Variants in ZPBP observed in about 807,000 individuals in gnomAD.
ZPBP encodes the protein zona pellucida binding protein.
Under a neutral mutation model 44.8 loss-of-function variants are expected in ZPBP, and 26 were observed. The observed-to-expected ratio is 0.58, with a 90% CI of 0.43 to 0.81. ZPBP has a LOEUF of 0.81. ZPBP is among the 30% of genes least tolerant of loss of function. The pLI, the probability that ZPBP is intolerant of heterozygous loss-of-function variation, is 0.00. For missense variants in ZPBP, 409 were observed against 434.0 expected (o/e 0.94, Z 0.51); for synonymous variants, 174 against 153.2 (o/e 1.14, Z -1.00).
intron 2 of ZPBP, among the ~76,000 whole-genome samples, chr7:49,887,015 A>T (rs1016571991): frequency 1.3e-5 from 2 of 151,840 alleles, no homozygotes; most frequent in South Asian, 4.1e-4. Flanking sequence ...GGCAAATTTT[A>T]AGTACTTTTT....
At chr7:49,847,597 G>C (rs544676041), downstream of ZPBP, among the ~76,000 whole-genome samples, 23 of 152,196 alleles carry the variant, frequency 1.5e-4, no homozygotes, top group Admixed American at 1.1e-3. Context: ...CCCAAGAGAA[G>C]AGGGTGTTCT....
Position 50,089,719 on chromosome 7 carries a change from A to C in ZPBP, c.128-10T>G. The C allele has an allele frequency of 1.2e-6, 2 of 1,600,202 alleles. No individual in the cohort carries two copies. Among genetic ancestry groups the C allele is most frequent in the East Asian group, 4.5e-5 (2 of 44,700 alleles). ...CGAACCAAGTGTCCAACTATCAAAAAAAAAGATCAACAATTTGTCTCATTA... is the reference window on the plus strand; with the variant it reads ...CGAACCAAGTGTCCAACTATCAAAACAAAAGATCAACAATTTGTCTCATTA... On this transcript the variant is annotated splice_polypyrimidine_tract_variant and intron_variant, in intron 1 of 7. Transcript: ENST00000046087.
intron 6 of ZPBP, among the ~76,000 whole-genome samples, chr7:50,016,466 T>A (rs766310621): frequency 6.6e-5 from 10 of 152,104 alleles, no homozygotes; most frequent in Non-Finnish European, 1.3e-4. Context: ...ACTATCTGGG[T>A]GGCAAAATTA....
chr7:50,032,596 G>C (rs1413727373), intron 4 of ZPBP, among the ~76,000 whole-genome samples: 1 of 152,150 alleles, frequency 6.6e-6, no homozygotes, highest in Non-Finnish European at 1.5e-5. Context: ...TTGCAGGTGG[G>C]AGGCTGCTTG....
At chr7:49,969,881 T>C (rs575150187) in intron 7 of ZPBP, among the ~76,000 whole-genome samples, 1 of 148,424 alleles carries the variant, frequency 6.7e-6, no homozygotes, top group Admixed American at 6.7e-5. Flanking sequence ...ACAGAGACAA[T>C]GACAGTTTCT....
At chr7:49,935,938 C>T (rs1794607699), downstream of ZPBP, 1 of 152,104 alleles carries the variant, frequency 6.6e-6, no homozygotes, top group African/African-American at 2.4e-5. Context: ...CTTTCCCAGG[C>T]TGTTGATGGG....
chr7:50,005,948 G>C (rs1486039242), intron 6 of ZPBP, among the ~76,000 whole-genome samples: 1 of 151,184 alleles, frequency 6.6e-6, no homozygotes, highest in East Asian at 1.9e-4. Context: ...CATACAGGTT[G>C]AAGTGAGAGG....
intron 6 of ZPBP, among the ~76,000 whole-genome samples, chr7:49,984,114 G>A (rs1051322599): frequency 2.0e-5 from 3 of 152,086 alleles, no homozygotes; most frequent in African/African-American, 2.4e-5. Context: ...TATGAGGTAC[G>A]CATAAATTCA....
chr7:49,923,041 C>T (rs1367415839), intron 1 of ZPBP, among the ~76,000 whole-genome samples: 1 of 151,986 alleles, frequency 6.6e-6, no homozygotes, highest in Non-Finnish European at 1.5e-5. Context: ...TTAGAAACAA[C>T]TTAAGAGAAA....
At chr7:50,001,298 G>C (rs1361068386) in intron 6 of ZPBP, among the ~76,000 whole-genome samples, 3 of 152,196 alleles carry the variant, frequency 2.0e-5, no homozygotes, top group East Asian at 3.8e-4. Flanking sequence ...CACCTTATGA[G>C]TTGTACGGTA....
chr7:49,896,751 T>C (rs1792401654), intron 2 of ZPBP, among the ~76,000 whole-genome samples: 1 of 150,292 alleles, frequency 6.7e-6, no homozygotes, highest in Admixed American at 6.6e-5. Flanking sequence ...AGGAATATTA[T>C]CAGCGACTCT....
At chr7:49,980,019 A>G (rs1460362591) in intron 7 of ZPBP, among the ~76,000 whole-genome samples, 37 of 14,106 alleles carry the variant, frequency 2.6e-3, no homozygotes, top group Non-Finnish European at 4.1e-3. Flanking sequence ...ATATTATAAT[A>G]TAATTTTATA....
At chr7:50,028,957 C>T (rs1263958005) in intron 5 of ZPBP, among the ~76,000 whole-genome samples, 1 of 152,056 alleles carries the variant, frequency 6.6e-6, no homozygotes, top group Non-Finnish European at 1.5e-5. Flanking sequence ...TATCAAAACC[C>T]CAATGGTAAT....
chr7:49,867,987 C>T (rs2128722318), intron 2 of ZPBP, among the ~76,000 whole-genome samples: 1 of 152,214 alleles, frequency 6.6e-6, no homozygotes, highest in African/African-American at 2.4e-5. Flanking sequence ...GTGCATACCA[C>T]TATACCTGAC....
rs1323640055 is a variant in ZPBP at position 49,888,475 on chromosome 7, T to C, written n.509+12643A>G. On this transcript the variant is annotated intron_variant and non_coding_transcript_variant, in intron 2 of 2. Transcript: ENST00000465922. ...TTTTTTTCTAATTCATAACATTCCA[T>C]TCATCCTTTGTACCATGTCACTATG... is the stretch of plus-strand genomic sequence containing the variant. Among the ~76,000 whole-genome samples the C allele has an allele frequency of 2.0e-5, 3 of 152,184 alleles. No homozygotes were observed. The East Asian group carries it at 5.8e-4, about 29-fold the overall frequency.
chr7:49,898,129 G>GTA (rs1422028208), intron 2 of ZPBP, among the ~76,000 whole-genome samples: 18 of 152,014 alleles, frequency 1.2e-4, no homozygotes, highest in South Asian at 8.3e-4. Context: ...GTGTGTGTGT[G>GTA]TATGTATGTG....
chr7:49,959,651 G>T (rs1795765588), intron 7 of ZPBP, among the ~76,000 whole-genome samples: 1 of 152,048 alleles, frequency 6.6e-6, no homozygotes. Context: ...CTATTTAGAA[G>T]ACTAAATATA....
the ZPBP span, among the ~76,000 whole-genome samples, chr7:49,841,971 A>C: frequency 1.3e-5 from 2 of 151,946 alleles, no homozygotes; most frequent in African/African-American, 4.8e-5. Flanking sequence ...GGTTCAAGCG[A>C]TTCTCCTGTC....
At chr7:49,932,115 T>A (rs796900932) in intron 1 of ZPBP, among the ~76,000 whole-genome samples, 1 of 152,212 alleles carries the variant, frequency 6.6e-6, no homozygotes, top group East Asian at 1.9e-4. Flanking sequence ...GGAGTTCTCA[T>A]GGAGAACCTC....
Sources: allele counts gnomAD v4.1 joint callset (sites outside exome capture counted in the v4.1 genomes callset), GRCh38; gene constraint gnomAD v4.1.1; transcripts MANE v1.5; gene names NCBI Gene and HGNC (gene_info 2026-07-23, HGNC 2026-07-21).